Variants in NUP133 observed in about 807,000 individuals in gnomAD.
The protein encoded by NUP133 is nucleoporin 133.
Under a neutral mutation model 146.2 loss-of-function variants are expected in NUP133, and 66 were observed. The ratio of observed to expected loss-of-function variants is 0.45; its 90% CI spans 0.37 to 0.55. The LOEUF (loss-of-function observed/expected upper bound fraction) is 0.55. Ranked by LOEUF, NUP133 falls within the 20% of genes least tolerant of loss-of-function variation. NUP133 has a pLI of 0.00. For missense variants in NUP133, 1,277 were observed against 1,374.8 expected (o/e 0.93, Z 1.12); for synonymous variants, 521 against 498.8 (o/e 1.04, Z -0.59).
intron 8 of NUP133, 130 bp downstream of exon 8, chr1:229,495,365 C>T (rs34232465): frequency 0.21 from 135,754 of 659,776 alleles, 14,807 homozygotes; most frequent in Middle Eastern, 0.26. Flanking sequence ...TATTCCAGCC[C>T]GGGTGATAGA....
chr1:229,503,978 A>T (rs1031920306), intron 2 of NUP133, among the ~76,000 whole-genome samples: 36 of 151,530 alleles, frequency 2.4e-4, no homozygotes, highest in Admixed American at 1.2e-3. Context: ...CATATATACC[A>T]ATATATATAT....
rs536039046 is a variant in NUP133 at position 229,442,747 on chromosome 1, T to C, written c.3335-707A>G. On this transcript the variant is annotated intron_variant, in intron 25 of 25. Coordinates refer to ENST00000261396, the MANE Select transcript of NUP133 (RefSeq NM_018230.3). ...TTTTTTTTTTCAGGCGGAGTCTCAC[T>C]CTGCTGGCCAGGCAATGGCGCGATC... Among the ~76,000 whole-genome samples the C allele has an allele frequency of 3.7e-4, 55 of 147,318 alleles. 1 individual carries two copies. In the South Asian group the frequency reaches 0.012, roughly 31 times the overall value.
chr1:229,462,166 G>C (rs1047233936), intron 19 of NUP133, among the ~76,000 whole-genome samples: 1 of 152,168 alleles, frequency 6.6e-6, no homozygotes, highest in Non-Finnish European at 1.5e-5. Flanking sequence ...TTACAGGCGT[G>C]AGCCACCTTG....
intron 15 of NUP133, 82 bp downstream of exon 15, chr1:229,470,498 G>A (rs1432751399): frequency 1.1e-5 from 12 of 1,140,184 alleles, no homozygotes; most frequent in East Asian, 9.5e-5. Flanking sequence ...GATTTAACTC[G>A]TCCTCACCGT....
Position 229,470,805 on chromosome 1 carries a change from C to CT in NUP133, c.1852-2dup, listed in dbSNP as rs1225501915. On this transcript the variant is annotated splice_acceptor_variant, in intron 14 of 25. Coordinates refer to ENST00000261396, the MANE Select transcript of NUP133 (RefSeq NM_018230.3). LOFTEE classifies it high-confidence loss of function. ...TGCCTAGACGTCCAAATAAGCCAAC[C>CT]TTGCAAAAAGGCAAACACATATTCT... 6.2e-7 allele frequency: 1 copy of CT among 1,612,466 alleles called. No individual in the cohort carries two copies. Among genetic ancestry groups the CT allele is most frequent in the Non-Finnish European group, 8.5e-7 (1 of 1,179,434 alleles).
intron 12 of NUP133, among the ~76,000 whole-genome samples, chr1:229,478,771 A>G (rs1321689486): frequency 6.6e-6 from 1 of 152,174 alleles, no homozygotes; most frequent in Non-Finnish European, 1.5e-5. Flanking sequence ...CTTGTAAACC[A>G]TGTTATGGGG....
At chr1:229,500,949 A>G (rs905498645) in intron 3 of NUP133, 86 bp from the exon 4 acceptor site, 26 of 753,132 alleles carry the variant, frequency 3.5e-5, no homozygotes, top group Admixed American at 2.4e-5. Flanking sequence ...TGCATATTTT[A>G]GATTCTGACT....
In NUP133 at chr1:229,441,955, G is replaced by T. The variant is rs774469204; in HGVS notation, c.3420C>A (p.Phe1140Leu). ...QLGSLKSNPY[F>L]EFVLKANYEY... ...CATAATTTGCTTTCAAAACAAACTC[G>T]AAGTAAGGATTGGACTTTAAGCTTC... Residue 1140 changes from phenylalanine (F) to leucine (L), a missense_variant, in exon 26 of 26, where the codon TTC becomes TTA. Physicochemically the swap from Phe to Leu is conservative, Grantham distance 22 (BLOSUM62 0). Coordinates refer to ENST00000261396, the MANE Select transcript of NUP133 (RefSeq NM_018230.3). The T allele has an allele frequency of 6.3e-7, 1 of 1,584,512 alleles. No individual in the cohort carries two copies. The highest frequency in any genetic ancestry group is 8.5e-7 in the Non-Finnish European group (1 of 1,171,964).
At chr1:229,464,045 T>G (rs907732071) in intron 18 of NUP133, among the ~76,000 whole-genome samples, 2 of 152,146 alleles carry the variant, frequency 1.3e-5, no homozygotes, top group African/African-American at 4.8e-5. Flanking sequence ...CCTGGGAGGC[T>G]GAGGCAGGAG....
chr1:229,467,858 G>T (rs1235385092), intron 15 of NUP133, among the ~76,000 whole-genome samples: 1 of 151,242 alleles, frequency 6.6e-6, no homozygotes, highest in Non-Finnish European at 1.5e-5. Context: ...CAAGGAGGCC[G>T]AGGCTGCGGT....
intron 11 of NUP133, 59 bp from the exon 12 acceptor site, chr1:229,484,204 G>T: frequency 1.6e-6 from 2 of 1,237,644 alleles, no homozygotes; most frequent in Non-Finnish European, 2.3e-6. Flanking sequence ...TTAATTATTG[G>T]ACTAAAAACT....
intron 13 of NUP133, 105 bp downstream of exon 13, chr1:229,477,492 T>C (rs543396058): frequency 8.1e-6 from 6 of 741,164 alleles, no homozygotes; most frequent in Middle Eastern, 2.8e-4. Flanking sequence ...ATTGAATTAA[T>C]ATTAAATTGT....
intron 1 of NUP133, chr1:229,507,826 G>T: frequency 1.3e-6 from 1 of 763,192 alleles, no homozygotes; most frequent in Non-Finnish European, 1.6e-6. Context: ...TGCAAATCCA[G>T]TTTGTACTTC....
intron 14 of NUP133, among the ~76,000 whole-genome samples, chr1:229,473,421 G>A (rs1476186148): frequency 6.6e-6 from 1 of 152,168 alleles, no homozygotes; most frequent in Non-Finnish European, 1.5e-5. Context: ...ATTGCCTTAG[G>A]ACAGATACTG....
chr1:229,477,546 G>C, intron 13 of NUP133, 51 bp downstream of exon 13: 1 of 1,426,852 alleles, frequency 7.0e-7, no homozygotes, highest in Non-Finnish European at 9.4e-7. Context: ...TTCTAATAAA[G>C]AAACCAGAAT....
At chr1:229,476,198 T>A (rs1661071191) in intron 13 of NUP133, among the ~76,000 whole-genome samples, 1 of 152,216 alleles carries the variant, frequency 6.6e-6, no homozygotes, top group Non-Finnish European at 1.5e-5. Flanking sequence ...TCAGGAGTTT[T>A]AAAAATTTAA....
At chr1:229,455,767 A>T (rs977401277) in intron 21 of NUP133, among the ~76,000 whole-genome samples, 2 of 152,172 alleles carry the variant, frequency 1.3e-5, no homozygotes, top group Non-Finnish European at 2.9e-5. Flanking sequence ...CTAAATACTC[A>T]GCATGTATCT....
At chr1:229,488,160 C>T (rs1661408920) in intron 9 of NUP133, among the ~76,000 whole-genome samples, 1 of 151,912 alleles carries the variant, frequency 6.6e-6, no homozygotes, top group Admixed American at 6.6e-5. Context: ...TTGTTAATTT[C>T]CAAAATTAAC....
intron 14 of NUP133, among the ~76,000 whole-genome samples, chr1:229,473,088 C>T (rs1392653234): frequency 2.6e-5 from 4 of 151,942 alleles, no homozygotes; most frequent in Admixed American, 2.0e-4. Context: ...CCTGTCTCTA[C>T]AGCAAATAAA....
Sources: allele counts gnomAD v4.1 joint callset (sites outside exome capture counted in the v4.1 genomes callset), GRCh38; gene constraint gnomAD v4.1.1; transcripts MANE v1.5; gene names NCBI Gene and HGNC (gene_info 2026-07-23, HGNC 2026-07-21).